CCT3: variants seen among roughly 807,000 people sequenced by gnomAD.
CCT3 encodes T-complex protein 1 subunit gamma.
CCT3 carries 10 observed loss-of-function variants against 65.3 expected under a neutral mutation model. The ratio of observed to expected loss-of-function variants is 0.15; its 90% CI spans 0.09 to 0.26. The LOEUF (loss-of-function observed/expected upper bound fraction) is 0.26, where lower values mean the gene tolerates loss of function less well. Ranked by LOEUF, CCT3 falls within the 10% of genes least tolerant of loss-of-function variation. The pLI, the probability that CCT3 is intolerant of heterozygous loss-of-function variation, is 1.00. For synonymous variants in CCT3, 225 were observed against 242.3 expected (o/e 0.93, Z 0.66); for missense variants, 626 against 708.7 (o/e 0.88, Z 1.33).
intron 8 of CCT3, among the ~76,000 whole-genome samples, chr1:156,318,477 C>T (rs1664406360): frequency 6.6e-6 from 1 of 152,074 alleles, no homozygotes. Flanking sequence ...CCTTAGCCTC[C>T]CAAAGTGCTA....
chr1:156,311,104 A>G lies in CCT3; in HGVS notation c.1247T>C (p.Met416Thr). The change falls in exon 12 of 14, where the codon ATG (methionine) becomes ACG (threonine). Residue 416 changes from methionine (M) to threonine (T), a missense_variant. Coordinates refer to ENST00000295688, the MANE Select transcript of CCT3 (RefSeq NM_005998.5). ...TTCTGTCAAGGCATGGGCCACAGCC[A>G]TCTCGGAGGCCCCACCCCCTGGCAC... is the stretch of plus-strand genomic sequence containing the variant. ...QLVPGGGASE[M>T]AVAHALTEKS... is the part of the protein sequence containing the mutation. 6.2e-7 allele frequency: 1 copy of G among 1,614,020 alleles called. No individual in the cohort carries two copies. Among genetic ancestry groups the G allele is most frequent in the South Asian group, 1.1e-5 (1 of 91,066 alleles).
At chr1:156,333,070 C>G (rs981701904) in intron 5 of CCT3, 1 of 180,522 alleles carries the variant, frequency 5.5e-6, no homozygotes, top group Non-Finnish European at 1.2e-5. Flanking sequence ...CCAAGGAGGG[C>G]GGATCACGAG....
In CCT3 at chr1:156,309,191, C is replaced by T; in HGVS notation, c.*8G>A. ...GGTTCTGTGCATTGAAGTAGCCTTG[C>T]CTAGCACTCACTCCTGGCCAGCATC... On this transcript the variant is annotated 3_prime_UTR_variant, in exon 14 of 14. Coordinates refer to ENST00000295688, the MANE Select transcript of CCT3 (RefSeq NM_005998.5). The T allele has an allele frequency of 6.3e-7, 1 of 1,584,236 alleles. No homozygotes were observed. Among genetic ancestry groups the T allele is most frequent in the East Asian group, 2.2e-5 (1 of 44,714 alleles).
chr1:156,337,648 G>A (rs1180491859), intron 1 of CCT3: 1 of 167,606 alleles, frequency 6.0e-6, no homozygotes, highest in Non-Finnish European at 1.3e-5. Flanking sequence ...CTATTTACCA[G>A]ACCCTCTTTA....
intron 5 of CCT3, among the ~76,000 whole-genome samples, chr1:156,326,680 A>G (rs908516483): frequency 2.6e-5 from 4 of 151,954 alleles, no homozygotes; most frequent in Non-Finnish European, 5.9e-5. Flanking sequence ...AAAGAAAAAA[A>G]AAAGAAAATG....
chr1:156,313,364 G>A (rs113028135), intron 10 of CCT3, among the ~76,000 whole-genome samples: 21,308 of 74,024 alleles, frequency 0.29, 2,540 homozygotes, highest in Non-Finnish European at 0.36. Context: ...AAAAAAAAAA[G>A]AGAGAGAGAG....
intron 5 of CCT3, chr1:156,333,341 T>C: frequency 3.9e-6 from 2 of 512,046 alleles, no homozygotes; most frequent in Non-Finnish European, 6.9e-6. Context: ...ATAAAGAGAA[T>C]TAACTATTAG....
Position 156,328,310 on chromosome 1 carries a change from G to C in CCT3, c.305-3221C>G, listed in dbSNP as rs920268835. The stretch of plus-strand genomic sequence containing the variant: ...GCTTCTGCCCGGCTGCCCCTACTGG[G>C]AAGTGAGGAGCCCCTCTGCCCGGCC... On this transcript the variant is annotated intron_variant, in intron 5 of 13. Coordinates refer to ENST00000295688, the MANE Select transcript of CCT3 (RefSeq NM_005998.5). Among the ~76,000 whole-genome samples the C allele has an allele frequency of 9.4e-4, 142 of 151,716 alleles. 1 individual carries two copies. The highest frequency in any genetic ancestry group is 5.9e-5 in the Non-Finnish European group (4 of 67,864).
chr1:156,321,152 A>G, intron 6 of CCT3, 127 bp from the exon 7 acceptor site: 1 of 735,226 alleles, frequency 1.4e-6, no homozygotes, highest in Non-Finnish European at 2.2e-6. Flanking sequence ...GTTCCTTTGG[A>G]GGAAACTAAA....
At chr1:156,310,755 TA>T in intron 12 of CCT3, 66 bp from the exon 13 acceptor site, 1 of 1,566,596 alleles carries the variant, frequency 6.4e-7, no homozygotes, top group Non-Finnish European at 8.8e-7. Flanking sequence ...AGAAATGAAG[TA>T]AAAAACAATG....
chr1:156,321,025 A>T lies in CCT3; in HGVS notation c.423T>A (p.Ser141Arg), dbSNP rs745486223. The T allele has an allele frequency of 6.8e-6, 11 of 1,611,204 alleles. No homozygotes were observed. In the East Asian group the frequency reaches 2.2e-4, roughly 33 times the overall value. Residue 141 changes from serine (S) to arginine (R), a missense_variant and splice_region_variant, in exon 7 of 14, where the codon AGT becomes AGA. Physicochemically the swap from Ser to Arg is moderately radical, Grantham distance 110. Transcript: ENST00000295688. Reference sequence around the variant, plus strand: ...CACTGTCACTGATGTCGACTGGGATACTAGAGAAAAGAAAACCAGACGATA... The same window carrying T: ...CACTGTCACTGATGTCGACTGGGATTCTAGAGAAAAGAAAACCAGACGATA... ...DDMISTLKKI[S>R]IPVDISDSDM...
intron 5 of CCT3, 138 bp downstream of exon 5, chr1:156,333,409 G>T: frequency 1.5e-6 from 1 of 652,832 alleles, no homozygotes. Flanking sequence ...ATACCCAACT[G>T]GAGAGAATAC....
rs1490499600 is a variant in CCT3, at chr1:156,325,010, C to T, written c.384G>A (p.Lys128=). ...HPTVVISAYR[K]ALDDMISTLK... is the part of the protein sequence containing the mutation. Reference sequence around the variant, plus strand: ...GGGTGCTGATCATATCATCCAATGCCTTGCGGTAAGCACTGATCACCACTG... The same window carrying T: ...GGGTGCTGATCATATCATCCAATGCTTTGCGGTAAGCACTGATCACCACTG... Residue 128 remains lysine, a synonymous_variant, in exon 6 of 14, where the codon AAG becomes AAA. Transcript: ENST00000295688. 1 of 1,613,534 alleles carries T rather than the reference C, an allele frequency of 6.2e-7. No individual in the cohort carries two copies. Among genetic ancestry groups the T allele is most frequent in the Non-Finnish European group, 8.5e-7 (1 of 1,179,778 alleles).
intron 10 of CCT3, among the ~76,000 whole-genome samples, chr1:156,313,441 C>T (rs945330358): frequency 6.6e-6 from 1 of 150,694 alleles, no homozygotes; most frequent in Non-Finnish European, 1.5e-5. Context: ...ATGAAAGCGA[C>T]CTAATCAGGA....
chr1:156,316,758 G>T (rs1340415187), intron 10 of CCT3, among the ~76,000 whole-genome samples: 1 of 152,160 alleles, frequency 6.6e-6, no homozygotes, highest in Non-Finnish European at 1.5e-5. Context: ...ATCTAGAATC[G>T]CATAAATCGC....
intron 5 of CCT3, among the ~76,000 whole-genome samples, chr1:156,328,120 G>T (rs1192101536): frequency 2.1e-5 from 3 of 145,088 alleles, no homozygotes; most frequent in African/African-American, 7.5e-5. Context: ...GGGAGGTGAG[G>T]GGCGCCTCTG....
intron 7 of CCT3, among the ~76,000 whole-genome samples, chr1:156,319,263 C>T (rs1442732499): frequency 6.7e-6 from 1 of 149,986 alleles, no homozygotes; most frequent in Admixed American, 6.8e-5. Flanking sequence ...CAGGCGCCCG[C>T]CACCACACCC....
In CCT3 at chr1:156,314,143, G is replaced by A. The variant is rs550945812; in HGVS notation, c.975-1922C>T. On this transcript the variant is annotated intron_variant, in intron 10 of 13. Transcript: ENST00000295688. ...AAGAGAACCCCAACAAAGAGAACAT[G>A]ATGAAAATATGAAAGGATTACATTA... Among the ~76,000 whole-genome samples, 27 of 148,504 alleles carry A rather than the reference G, an allele frequency of 1.8e-4. No homozygotes were observed. In the East Asian group the frequency reaches 4.9e-3, roughly 27 times the overall value.
At chr1:156,313,338 C>CAAA (rs772344039) in intron 10 of CCT3, among the ~76,000 whole-genome samples, 2 of 29,398 alleles carry the variant, frequency 6.8e-5, no homozygotes, top group African/African-American at 1.2e-4. Flanking sequence ...GATTCTGTCT[C>CAAA]AAAAAAAAAA....
Sources: allele counts gnomAD v4.1 joint callset (sites outside exome capture counted in the v4.1 genomes callset), GRCh38; gene constraint gnomAD v4.1.1; transcripts MANE v1.5; gene names NCBI Gene and HGNC (gene_info 2026-07-23, HGNC 2026-07-21).